Variants in RBPMS observed in about 807,000 individuals in gnomAD.
RBPMS encodes the protein RNA-binding protein with multiple splicing.
RBPMS carries 7 observed loss-of-function variants against 26.8 expected under a neutral mutation model. The ratio of observed to expected loss-of-function variants is 0.26; its 90% CI spans 0.15 to 0.49. The LOEUF (loss-of-function observed/expected upper bound fraction) is 0.49. RBPMS is among the 20% of genes least tolerant of loss of function. The pLI, the probability that RBPMS is intolerant of heterozygous loss-of-function variation, is 0.98. For missense variants in RBPMS, 186 were observed against 250.0 expected (o/e 0.74, Z 1.73); for synonymous variants, 96 against 93.3 (o/e 1.03, Z -0.17).
intron 1 of RBPMS, among the ~76,000 whole-genome samples, chr8:30,413,464 C>T: frequency 6.6e-6 from 1 of 152,092 alleles, no homozygotes; most frequent in East Asian, 1.9e-4. Flanking sequence ...AACCCCTATA[C>T]TTTTCAAATT....
chr8:30,483,263 T>C (rs1448254883), intron 4 of RBPMS, among the ~76,000 whole-genome samples: 1 of 152,216 alleles, frequency 6.6e-6, no homozygotes, highest in Non-Finnish European at 1.5e-5. Flanking sequence ...CTCTTTAGTA[T>C]ATGTGCCATT....
At chr8:30,418,802 C>A (rs1810393245) in intron 1 of RBPMS, among the ~76,000 whole-genome samples, 1 of 152,102 alleles carries the variant, frequency 6.6e-6, no homozygotes, top group South Asian at 2.1e-4. Context: ...TGGTCTCAAA[C>A]TCCTGACCTC....
intron 1 of RBPMS, among the ~76,000 whole-genome samples, chr8:30,462,681 C>G (rs1324949022): frequency 6.6e-6 from 1 of 152,112 alleles, no homozygotes; most frequent in Non-Finnish European, 1.5e-5. Flanking sequence ...GCCATCCCAG[C>G]CTCCCAAAGT....
intron 3 of RBPMS, among the ~76,000 whole-genome samples, chr8:30,478,193 G>A (rs1377430862): frequency 3.9e-5 from 6 of 152,216 alleles, no homozygotes; most frequent in Admixed American, 2.0e-4. Flanking sequence ...ATATCAGATC[G>A]TGAAGGATCA....
chr8:30,566,917 G>A (rs978835810), intron 8 of RBPMS, among the ~76,000 whole-genome samples: 1 of 152,088 alleles, frequency 6.6e-6, no homozygotes, highest in African/African-American at 2.4e-5. Context: ...CATGGTTTTA[G>A]CTTAGTAGTT....
At position 30,499,870 on chromosome 8, in the gene RBPMS, C is replaced by CTG. The variant is rs10543546; in HGVS notation, c.247-4380_247-4379dup. Among the ~76,000 whole-genome samples the CTG allele has an allele frequency of 5.3e-3, 804 of 150,294 alleles. 7 individuals are homozygous for CTG. Among genetic ancestry groups the CTG allele is most frequent in the African/African-American group, 0.018 (736 of 40,862 alleles). On this transcript the variant is annotated intron_variant, in intron 4 of 8. Transcript: ENST00000397323. ...TTACTTTTAATCAGTTCAGGGGAAA[C>CTG]TGTGTGTGTGTGTGTGTGTGTGTGT...
chr8:30,523,161 G>A (rs529705325), intron 5 of RBPMS, among the ~76,000 whole-genome samples: 1 of 152,298 alleles, frequency 6.6e-6, no homozygotes, highest in African/African-American at 2.4e-5. Context: ...CAGATCACTT[G>A]AGGTCAGGAG....
chr8:30,522,524 C>G (rs1376347850), intron 5 of RBPMS, among the ~76,000 whole-genome samples: 3 of 152,120 alleles, frequency 2.0e-5, no homozygotes, highest in Non-Finnish European at 4.4e-5. Flanking sequence ...CAGACACACA[C>G]ATGTAATGTT....
intron 7 of RBPMS, among the ~76,000 whole-genome samples, chr8:30,562,456 A>G (rs1827578840): frequency 6.6e-6 from 1 of 152,096 alleles, no homozygotes; most frequent in Non-Finnish European, 1.5e-5. Flanking sequence ...GAGTATGGAT[A>G]ATGGTGCCCG....
chr8:30,530,145 A>G (rs1251704745), intron 5 of RBPMS, among the ~76,000 whole-genome samples: 1 of 152,312 alleles, frequency 6.6e-6, no homozygotes, highest in Non-Finnish European at 1.5e-5. Context: ...TGGACACTTG[A>G]GTTGTTTCCA....
At chr8:30,525,461 AGT>A (rs1268853457) in intron 5 of RBPMS, among the ~76,000 whole-genome samples, 2 of 152,222 alleles carry the variant, frequency 1.3e-5, no homozygotes, top group Non-Finnish European at 2.9e-5. Context: ...ATATATGTTA[AGT>A]GCTACCTGAT....
At chr8:30,550,324 C>T (rs988733619) in intron 6 of RBPMS, among the ~76,000 whole-genome samples, 1 of 152,192 alleles carries the variant, frequency 6.6e-6, no homozygotes, top group Non-Finnish European at 1.5e-5. Flanking sequence ...CTCAATTGAG[C>T]AAGTTTCTTA....
At chr8:30,543,143 A>C (rs1336921966) in intron 5 of RBPMS, among the ~76,000 whole-genome samples, 1 of 152,174 alleles carries the variant, frequency 6.6e-6, no homozygotes, top group Non-Finnish European at 1.5e-5. Flanking sequence ...ATCATATCTG[A>C]AAATGGGTAC....
chr8:30,415,578 TAATC>T (rs1391301255), intron 1 of RBPMS, among the ~76,000 whole-genome samples: 1 of 152,196 alleles, frequency 6.6e-6, no homozygotes, highest in East Asian at 1.9e-4. Flanking sequence ...TTTTTATGGA[TAATC>T]AATTATCAGA....
intron 1 of RBPMS, among the ~76,000 whole-genome samples, chr8:30,412,247 A>G (rs1426181468): frequency 6.6e-6 from 1 of 152,154 alleles, no homozygotes; most frequent in Non-Finnish European, 1.5e-5. Context: ...TAATGAGTTA[A>G]TATTTGCAGA....
At chr8:30,488,241 C>T (rs1225276951) in intron 4 of RBPMS, among the ~76,000 whole-genome samples, 2 of 152,108 alleles carry the variant, frequency 1.3e-5, no homozygotes, top group Admixed American at 6.6e-5. Flanking sequence ...GAATTCACAT[C>T]AAGTTACTTT....
intron 7 of RBPMS, among the ~76,000 whole-genome samples, chr8:30,563,079 A>G (rs75605458): frequency 0.042 from 6,425 of 152,310 alleles, 205 homozygotes; most frequent in African/African-American, 0.086. Context: ...GTTACTGCTC[A>G]TGATCCTGCA....
At chr8:30,467,251 C>T (rs1221343063) in intron 1 of RBPMS, among the ~76,000 whole-genome samples, 1 of 152,206 alleles carries the variant, frequency 6.6e-6, no homozygotes, top group East Asian at 1.9e-4. Context: ...CAGCAGTCCT[C>T]AGCAGGGTTC....
intron 5 of RBPMS, among the ~76,000 whole-genome samples, chr8:30,525,907 T>C (rs968622288): frequency 2.0e-5 from 3 of 152,394 alleles, no homozygotes; most frequent in East Asian, 3.8e-4. Context: ...TGAATAGTTA[T>C]ACAGTGTGTG....
Sources: gnomAD v4.1 joint callset for allele counts (sites outside exome capture counted in the v4.1 genomes callset) on GRCh38, gnomAD v4.1.1 for gene constraint, MANE v1.5 for transcripts, NCBI Gene and HGNC (gene_info 2026-07-23, HGNC 2026-07-21) for gene names.